The following CADPS2 variants were observed in gnomAD, a reference collection of about 807,000 sequenced individuals.
The protein encoded by CADPS2 is calcium-dependent secretion activator 2.
In CADPS2, 93 loss-of-function variants were observed where a neutral mutation model predicts 172.5. That is an observed-to-expected ratio of 0.54 (90% CI 0.46 to 0.64). CADPS2 has a LOEUF of 0.64. Ranked by LOEUF, CADPS2 falls within the 30% of genes least tolerant of loss-of-function variation. The pLI, the probability that CADPS2 is intolerant of heterozygous loss-of-function variation, is 0.00. For missense variants in CADPS2, 1,420 were observed against 1,565.9 expected (o/e 0.91, Z 1.57); for synonymous variants, 546 against 555.2 (o/e 0.98, Z 0.23).
intron 1 of CADPS2, among the ~76,000 whole-genome samples, chr7:122,777,986 G>T (rs916927617): frequency 6.6e-6 from 1 of 152,096 alleles, no homozygotes; most frequent in African/African-American, 2.4e-5. Context: ...TAGTTCAGAG[G>T]GGTCAGAAGA....
At chr7:122,451,024 T>C (rs2053022527) in intron 15 of CADPS2, among the ~76,000 whole-genome samples, 1 of 152,176 alleles carries the variant, frequency 6.6e-6, no homozygotes, top group African/African-American at 2.4e-5. Flanking sequence ...GGCCCCACTG[T>C]GGAGGTGAGA....
intron 17 of CADPS2, among the ~76,000 whole-genome samples, chr7:122,423,286 G>A (rs1016323696): frequency 2.3e-4 from 35 of 152,258 alleles, no homozygotes; most frequent in African/African-American, 8.4e-4. Context: ...TTCAAGATAA[G>A]AGAGTGGGAA....
At chr7:122,811,367 A>G (rs1484737564) in intron 1 of CADPS2, among the ~76,000 whole-genome samples, 2 of 152,186 alleles carry the variant, frequency 1.3e-5, no homozygotes, top group Non-Finnish European at 2.9e-5. Flanking sequence ...GCAAAATAAC[A>G]CAGCTATAAA....
intron 6 of CADPS2, among the ~76,000 whole-genome samples, chr7:122,584,858 C>A (rs1248891937): frequency 2.0e-5 from 3 of 151,818 alleles, no homozygotes; most frequent in African/African-American, 4.8e-5. Context: ...GATAGCATAG[C>A]CTGCATAATA....
chr7:122,525,793 T>C (rs1362373241), intron 8 of CADPS2, among the ~76,000 whole-genome samples: 3 of 152,200 alleles, frequency 2.0e-5, no homozygotes, highest in Non-Finnish European at 4.4e-5. Flanking sequence ...TTATGGTTAA[T>C]TGAGAAATTA....
At chr7:122,797,752 T>C (rs1041764537) in intron 1 of CADPS2, among the ~76,000 whole-genome samples, 1 of 151,968 alleles carries the variant, frequency 6.6e-6, no homozygotes, top group African/African-American at 2.4e-5. Context: ...TAAGGAAAAA[T>C]AACTAACAGG....
At chr7:122,642,671 G>A (rs1474678917) in intron 3 of CADPS2, among the ~76,000 whole-genome samples, 1 of 150,824 alleles carries the variant, frequency 6.6e-6, no homozygotes, top group Non-Finnish European at 1.5e-5. Context: ...TTTTAAAAAT[G>A]CTTTTCACAG....
chr7:122,615,114 G>A (rs1051360677), intron 6 of CADPS2, 67 bp downstream of exon 6: 4 of 933,786 alleles, frequency 4.3e-6, no homozygotes, highest in Non-Finnish European at 6.5e-6. Context: ...CATAAACAGA[G>A]CATGTTTCTT....
intron 1 of CADPS2, among the ~76,000 whole-genome samples, chr7:122,860,311 T>C (rs1417118323): frequency 6.6e-6 from 1 of 152,138 alleles, no homozygotes. Context: ...TCACTGCAGA[T>C]TCCAACTTCC....
chr7:122,571,184 G>C (rs2067212190), intron 7 of CADPS2, among the ~76,000 whole-genome samples: 1 of 151,946 alleles, frequency 6.6e-6, no homozygotes, highest in Non-Finnish European at 1.5e-5. Context: ...AAAAACTGGG[G>C]AAAATATTTG....
At chr7:122,792,614 A>C (rs1044547792) in intron 1 of CADPS2, among the ~76,000 whole-genome samples, 14 of 152,234 alleles carry the variant, frequency 9.2e-5, no homozygotes, top group African/African-American at 3.1e-4. Flanking sequence ...TACACCTATA[A>C]GATTAACAAA....
intron 1 of CADPS2, among the ~76,000 whole-genome samples, chr7:122,883,340 C>A (rs533569926): frequency 6.6e-6 from 1 of 152,234 alleles, no homozygotes; most frequent in African/African-American, 2.4e-5. Context: ...AATGAGGACC[C>A]TTTCAGATCT....
rs567355826 is a variant in CADPS2 at position 122,368,823 on chromosome 7, A to G, written c.3388-7810T>C. On this transcript the variant is annotated intron_variant, in intron 25 of 29. Transcript: ENST00000449022. ...TGCAGGCCACCAGCAGGCTCCATGC[A>G]GATATGTGCGTAGGACTTTTGTTCT... Among the ~76,000 whole-genome samples the G allele has an allele frequency of 8.5e-5, 13 of 152,220 alleles. 1 individual carries two copies. The South Asian group carries it at 2.1e-3, about 24-fold the overall frequency.
chr7:122,386,657 G>A (rs983343096), intron 24 of CADPS2, among the ~76,000 whole-genome samples: 2 of 151,722 alleles, frequency 1.3e-5, no homozygotes, highest in South Asian at 2.1e-4. Context: ...ACACTTTTTC[G>A]TGTGTCTTAC....
At chr7:122,798,433 G>T (rs1796875323) in intron 1 of CADPS2, among the ~76,000 whole-genome samples, 1 of 152,102 alleles carries the variant, frequency 6.6e-6, no homozygotes, top group Admixed American at 6.6e-5. Flanking sequence ...ATTTAAACTG[G>T]AACCAGGACT....
chr7:122,323,424 A>C (rs2033024603), intron 29 of CADPS2, among the ~76,000 whole-genome samples: 1 of 152,162 alleles, frequency 6.6e-6, no homozygotes, highest in Admixed American at 6.5e-5. Context: ...AATTAATAAA[A>C]TTATTGTTCT....
Position 122,488,649 on chromosome 7 carries a change from C to T in CADPS2, c.1852+1432G>A, listed in dbSNP as rs577965276. Among the ~76,000 whole-genome samples, 64 of 152,298 alleles carry T rather than the reference C, an allele frequency of 4.2e-4. 1 individual carries two copies. The highest frequency in any genetic ancestry group is 8.3e-4 in the South Asian group (4 of 4,830). On this transcript the variant is annotated intron_variant, in intron 11 of 29. Transcript: ENST00000449022. Reference sequence around the variant, plus strand: ...CATGTGAACAGAGAATAGTCTTAGGCTAGATGTTACATTCAATGATATCAC... The same window carrying T: ...CATGTGAACAGAGAATAGTCTTAGGTTAGATGTTACATTCAATGATATCAC...
At chr7:122,613,466 T>A (rs2074527501) in intron 6 of CADPS2, among the ~76,000 whole-genome samples, 1 of 152,142 alleles carries the variant, frequency 6.6e-6, no homozygotes, top group South Asian at 2.1e-4. Flanking sequence ...ATTTATACCA[T>A]ATCAGCTTGT....
At chr7:122,632,956 C>A (rs2076720613) in intron 3 of CADPS2, among the ~76,000 whole-genome samples, 1 of 152,050 alleles carries the variant, frequency 6.6e-6, no homozygotes, top group Admixed American at 6.6e-5. Context: ...AGAGGGAGTG[C>A]TTTCCCCATT....
Sources: allele counts gnomAD v4.1 joint callset (sites outside exome capture counted in the v4.1 genomes callset), GRCh38; gene constraint gnomAD v4.1.1; transcripts MANE v1.5; gene names NCBI Gene and HGNC (gene_info 2026-07-23, HGNC 2026-07-21).